Variants in LONP1 observed in about 807,000 individuals in gnomAD.
LONP1 encodes the protein lon protease homolog, mitochondrial.
A neutral mutation model predicts 98.5 loss-of-function variants in LONP1; 31 were observed. The observed-to-expected ratio is 0.31, with a 90% CI of 0.24 to 0.42. LONP1 has a LOEUF of 0.42. Among genes scored for constraint, LONP1 ranks in the 20% least tolerant of loss-of-function variants. LONP1 has a pLI of 1.00. For synonymous variants in LONP1, 781 were observed against 594.7 expected (o/e 1.31, Z -4.56); for missense variants, 1,336 against 1,350.6 (o/e 0.99, Z 0.17).
chr19:5,708,231 G>C (rs561985831), intron 5 of LONP1, 111 bp downstream of exon 5: 36 of 1,121,748 alleles, frequency 3.2e-5, no homozygotes, highest in Middle Eastern at 5.0e-4. Context: ...ACTCCTTGGG[G>C]CAGGCAAGGT....
At chr19:5,695,544 G>A (rs989301669) in intron 13 of LONP1, among the ~76,000 whole-genome samples, 1 of 152,200 alleles carries the variant, frequency 6.6e-6, no homozygotes, top group African/African-American at 2.4e-5. Context: ...GATGCTGGGA[G>A]GGCCTCAAGG....
Position 5,696,609 on chromosome 19 carries a change from C to T in LONP1, c.1773+61G>A, listed in dbSNP as rs78785368. Reference sequence around the variant, plus strand: ...CGGGGATCCTAGGACCCGGAAGGCTCGGCTTCATCTTGCACACGGCATTGC... The same window carrying T: ...CGGGGATCCTAGGACCCGGAAGGCTTGGCTTCATCTTGCACACGGCATTGC... On this transcript the variant is annotated intron_variant, in intron 11 of 17. Transcript: ENST00000360614. 2.3e-3 allele frequency: 3,485 copies of T among 1,486,124 alleles called. 6 individuals are homozygous for T. Among genetic ancestry groups the T allele is most frequent in the Non-Finnish European group, 3.1e-3 (3,305 of 1,079,656 alleles). The allele number at this position is 1,486,124 out of a possible 1,614,324, so 92.1% of individuals were successfully genotyped here.
In LONP1 at chr19:5,696,655, CCT is replaced by C. The variant is rs1003466635; in HGVS notation, c.1773+13_1773+14del. The C allele has an allele frequency of 9.3e-6, 15 of 1,611,230 alleles. No homozygotes were observed. The Admixed American group carries it at 1.7e-4, about 18-fold the overall frequency. On this transcript the variant is annotated intron_variant, in intron 11 of 17. Transcript: ENST00000360614. ...ATTGCCGGGTTAGGGGGTCTCCGGG[CCT>C]CTCCGCACGCACCTCGTCGATGAGG...
At chr19:5,712,476 G>A (rs981037549) in intron 3 of LONP1, 8 of 179,458 alleles carry the variant, frequency 4.5e-5, no homozygotes, top group Admixed American at 1.1e-4. Context: ...CACCTCTCAC[G>A]CTGTCTGCGT....
In LONP1 at chr19:5,705,752, G is replaced by A. The variant is rs374789935; in HGVS notation, c.1367+20C>T. The A allele has an allele frequency of 3.2e-5, 52 of 1,610,956 alleles. No homozygotes were observed. Among genetic ancestry groups the A allele is most frequent in the Non-Finnish European group, 4.1e-5 (48 of 1,178,316 alleles). ...GGAGGGGTCACCTGAGGGCTGGGCC[G>A]CCCCGGGCCTGGCACTCACTTGAAC... On this transcript the variant is annotated intron_variant, in intron 8 of 17. Coordinates refer to ENST00000360614, the MANE Select transcript of LONP1 (RefSeq NM_004793.4).
intron 8 of LONP1, 23 bp from the exon 9 acceptor site, chr19:5,700,950 A>C: frequency 6.2e-7 from 1 of 1,613,810 alleles, no homozygotes; most frequent in East Asian, 2.2e-5. Context: ...AGATGGAGAG[A>C]TGCTGAGTGG....
rs536695668 is a variant in LONP1 at position 5,691,841 on chromosome 19, A to G, written c.*191T>C. 10 of 809,048 alleles carry G rather than the reference A, an allele frequency of 1.2e-5. No homozygotes were observed. Among genetic ancestry groups the G allele is most frequent in the Non-Finnish European group, 1.9e-5 (10 of 519,438 alleles). The allele number at this position is 809,048 out of a possible 1,614,324, so 50.1% of individuals were successfully genotyped here. ...CAGGTGAGGAAGCCGCCGTACTGCA[A>G]ATGACTTTAATCATTAAATAGCTTC... is the stretch of plus-strand genomic sequence containing the variant. On this transcript the variant is annotated 3_prime_UTR_variant, in exon 18 of 18. Transcript: ENST00000360614.
chr19:5,708,068 A>C lies in LONP1; in HGVS notation c.933-242T>G, dbSNP rs372217509. ...ACCACGGGAGCCGTGCAGTGACCTC[A>C]CCTCAGCAGTCTGCTCCCCACTCCC... On this transcript the variant is annotated intron_variant, in intron 5 of 17. Transcript: ENST00000360614. The C allele has an allele frequency of 2.6e-5, 16 of 609,340 alleles. No homozygotes were observed. In the East Asian group the frequency reaches 4.4e-4, roughly 17 times the overall value. The allele number at this position is 609,340 out of a possible 1,614,324, so 37.7% of individuals were successfully genotyped here.
At chr19:5,699,361 G>A (rs768931980) in intron 9 of LONP1, among the ~76,000 whole-genome samples, 156 bp from the exon 10 acceptor site, 1 of 152,186 alleles carries the variant, frequency 6.6e-6, no homozygotes, top group Non-Finnish European at 1.5e-5. Context: ...GCTGCCACTG[G>A]CCACGGGGAG....
At position 5,692,157 on chromosome 19, in the gene LONP1, C is replaced by A. The variant is rs1387183050; in HGVS notation, c.2755G>T (p.Asp919Tyr). 5 of 1,614,008 alleles carry A rather than the reference C, an allele frequency of 3.1e-6. No homozygotes were observed. Among genetic ancestry groups the A allele is most frequent in the Non-Finnish European group, 4.2e-6 (5 of 1,179,988 alleles). Residue 919 changes from aspartate to tyrosine, a missense_variant, in exon 18 of 18, where the codon GAC becomes TAC. Around this residue, in one of 5 missense-constraint regions of LONP1, gnomAD observed 555 missense variants for 542.6 expected, o/e 1.02. Coordinates refer to ENST00000360614, the MANE Select transcript of LONP1 (RefSeq NM_004793.4). ...ATGAAGGCTGCCAGGTCGTAGAAGTCCTTCTTGTTCTCGGCTGGCAGGACG... is the reference window on the plus strand; with the variant it reads ...ATGAAGGCTGCCAGGTCGTAGAAGTACTTCTTGTTCTCGGCTGGCAGGACG... ...CIVLPAENKK[D>Y]FYDLAAFITE...
intron 13 of LONP1, among the ~76,000 whole-genome samples, chr19:5,695,663 C>T (rs2054912517): frequency 6.6e-6 from 1 of 152,172 alleles, no homozygotes; most frequent in Non-Finnish European, 1.5e-5. Flanking sequence ...CCTGCATGCT[C>T]CTCACTGAAA....
chr19:5,720,413 G>T (rs2055427092), upstream of LONP1: 1 of 573,384 alleles, frequency 1.7e-6, no homozygotes. Flanking sequence ...TGTTGCAAAC[G>T]CAACGTTTAG....
chr19:5,713,156 T>C lies in LONP1; in HGVS notation c.616A>G (p.Met206Val), dbSNP rs371040601. Residue 206 changes from methionine to valine, a missense_variant, in exon 3 of 18, where the codon ATG becomes GTG. By Grantham distance (21) the Met-to-Val change is conservative. Transcript: ENST00000360614. ...CACCTTCTGTGTCCCATGACGATCA[T>C]GCGCAGCTTGTCCCCAAGGTCCTGC... ...EMQDLGDKLRMIVMGHRRVHI... is the reference protein window; with the variant it reads ...EMQDLGDKLRVIVMGHRRVHI... 4 of 1,612,060 alleles carry C rather than the reference T, an allele frequency of 2.5e-6. No homozygotes were observed. The highest frequency in any genetic ancestry group is 2.7e-5 in the African/African-American group (2 of 74,870).
intron 14 of LONP1, 77 bp downstream of exon 14, chr19:5,694,684 G>A: frequency 4.5e-6 from 7 of 1,568,772 alleles, no homozygotes; most frequent in Non-Finnish European, 6.1e-6. Context: ...TGGGATGATG[G>A]GCATGGAAAG....
chr19:5,708,119 G>A (rs1156978074), intron 5 of LONP1: 17 of 612,528 alleles, frequency 2.8e-5, no homozygotes, highest in Non-Finnish European at 4.0e-5. Context: ...AACAGCTTCC[G>A]GCCTCAGCAG....
In LONP1 at chr19:5,700,799, T is replaced by C; in HGVS notation, c.1496A>G (p.Lys499Arg). Residue 499 changes from lysine to arginine, a missense_variant, in exon 9 of 18, where the codon AAA (lysine) becomes AGA (arginine). By Grantham distance (26) the Lys-to-Arg change is conservative. Coordinates refer to ENST00000360614, the MANE Select transcript of LONP1 (RefSeq NM_004793.4). The stretch of plus-strand genomic sequence containing the variant: ...AGACACTGGGCTCACCAGGATGCGT[T>C]TCTTGACGTCCTCCATGCCGTAGTG... ...EDHYGMEDVKKRILEFIAVSQ... is the reference protein window; with the variant it reads ...EDHYGMEDVKRRILEFIAVSQ... The C allele has an allele frequency of 1.2e-6, 2 of 1,614,172 alleles. No individual in the cohort carries two copies. Among genetic ancestry groups the C allele is most frequent in the Non-Finnish European group, 1.7e-6 (2 of 1,180,018 alleles).
In LONP1 at chr19:5,702,311, G is replaced by A. The variant is rs377527076; in HGVS notation, c.1368-1384C>T. On this transcript the variant is annotated intron_variant, in intron 8 of 17. Transcript: ENST00000360614. ...CCCCATCCGGGAGGGAGGTGGAGGCGTCAGCCCCCCGCCCAGCCAGCCGCC... is the reference window on the plus strand; with the variant it reads ...CCCCATCCGGGAGGGAGGTGGAGGCATCAGCCCCCCGCCCAGCCAGCCGCC... Among the ~76,000 whole-genome samples the A allele has an allele frequency of 9.7e-3, 1,390 of 142,890 alleles. 32 individuals are homozygous for A. Among genetic ancestry groups the A allele is most frequent in the East Asian group, 0.021 (96 of 4,634 alleles). 93.7% of individuals were successfully genotyped at this position (142,890 alleles called of 152,430 possible). A position where few individuals can be genotyped will look rare whatever the true frequency, so the allele number is the denominator to read the frequency against.
chr19:5,693,168 A>G, intron 17 of LONP1, 130 bp downstream of exon 17: 1 of 1,155,092 alleles, frequency 8.7e-7, no homozygotes, highest in Non-Finnish European at 1.2e-6. Context: ...TCCAGGCCAG[A>G]GAGACCTGCT....
chr19:5,693,165 CAG>C (rs2054861266), intron 17 of LONP1, 131 bp downstream of exon 17: 47 of 1,130,408 alleles, frequency 4.2e-5, no homozygotes, highest in Non-Finnish European at 5.7e-5. Context: ...AGCTCCAGGC[CAG>C]AGAGACCTGC....
Sources: allele counts gnomAD v4.1 joint callset (sites outside exome capture counted in the v4.1 genomes callset), GRCh38; gene constraint gnomAD v4.1.1; regional missense constraint gnomAD v4.1.1; transcripts MANE v1.5; gene names NCBI Gene and HGNC (gene_info 2026-07-23, HGNC 2026-07-21).